Variants in SF3B1 observed in about 807,000 individuals in gnomAD.
SF3B1 encodes the protein splicing factor 3b subunit 1, also known as pre-mRNA processing 10.
SF3B1 carries 12 observed loss-of-function variants against 153.8 expected under a neutral mutation model. The ratio of observed to expected loss-of-function variants is 0.08; its 90% CI spans 0.05 to 0.13. The LOEUF (loss-of-function observed/expected upper bound fraction) is 0.13. SF3B1 is among the 10% of genes least tolerant of loss of function. The pLI, the probability that SF3B1 is intolerant of heterozygous loss-of-function variation, is 1.00. For missense variants in SF3B1, 513 were observed against 1,606.1 expected (o/e 0.32, Z 11.63); for synonymous variants, 498 against 525.2 (o/e 0.95, Z 0.71).
At chr2:197,396,734 G>C (rs957026860) in intron 22 of SF3B1, among the ~76,000 whole-genome samples, 1 of 152,200 alleles carries the variant, frequency 6.6e-6, no homozygotes, top group Non-Finnish European at 1.5e-5. Flanking sequence ...CCGAATTGTA[G>C]TCTCCCATTA....
chr2:197,409,190 G>C (rs763354793), intron 7 of SF3B1, among the ~76,000 whole-genome samples: 1 of 151,854 alleles, frequency 6.6e-6, no homozygotes, highest in Non-Finnish European at 1.5e-5. Context: ...ATCTGAGGTC[G>C]GGAGTTCGAG....
intron 1 of SF3B1, among the ~76,000 whole-genome samples, chr2:197,429,549 C>T (rs954863033): frequency 1.3e-5 from 2 of 152,032 alleles, no homozygotes; most frequent in Admixed American, 1.3e-4. Context: ...TTTGGGAGGC[C>T]GATGTGGATG....
At position 197,409,853 on chromosome 2, in the gene SF3B1, G is replaced by A. The variant is rs1047501781; in HGVS notation, c.821C>T (p.Pro274Leu). 1 of 1,613,974 alleles carries A rather than the reference G, an allele frequency of 6.2e-7. No homozygotes were observed. The highest frequency in any genetic ancestry group is 8.5e-7 in the Non-Finnish European group (1 of 1,180,010). ...GAATPGRGDT[P>L]GHATPGHGGA... ...TCCATGGCCTGGTGTCGCATGGCCT[G>A]GTGTATCACCTCGTCCAGGAGTAGC... is the stretch of plus-strand genomic sequence containing the variant. Residue 274 changes from proline (P) to leucine (L), a missense_variant, in exon 7 of 25, where the codon CCA becomes CTA. Physicochemically the swap from Pro to Leu is moderately conservative, Grantham distance 98 (BLOSUM62 -3). Transcript: ENST00000335508.
Position 197,401,322 on chromosome 2 carries a change from T to C in SF3B1, c.2496+78A>G. ...GTGAGATAATCAAGGCAAAAAATAA[T>C]ATACAACATGCATTCAAGTTGACTA... On this transcript the variant is annotated intron_variant, in intron 17 of 24. Coordinates refer to ENST00000335508, the MANE Select transcript of SF3B1 (RefSeq NM_012433.4). The surrounding 1 kb of genome is among the most constrained non-coding windows in gnomAD (Gnocchi z 4.2). 7.7e-7 allele frequency: 1 copy of C among 1,302,742 alleles called. No individual in the cohort carries two copies. The highest frequency in any genetic ancestry group is 1.1e-6 in the Non-Finnish European group (1 of 937,172). The allele number at this position is 1,302,742 out of a possible 1,614,324, so 80.7% of individuals were successfully genotyped here.
In SF3B1 at chr2:197,402,223, C is replaced by A. The variant is rs2084942951; in HGVS notation, c.2078-93G>T. The A allele has an allele frequency of 7.1e-7, 1 of 1,412,770 alleles. No individual in the cohort carries two copies. Among genetic ancestry groups the A allele is most frequent in the South Asian group, 1.4e-5 (1 of 70,050 alleles). 87.5% of individuals were successfully genotyped at this position (1,412,770 alleles called of 1,614,324 possible). A position where few individuals can be genotyped will look rare whatever the true frequency, so the allele number is the denominator to read the frequency against. ...TCTCTCAATATATCAACTATTCAGC[C>A]AAACTGCAGAATATGTTCACATTAA... On this transcript the variant is annotated intron_variant, in intron 14 of 24. Transcript: ENST00000335508. The surrounding 1 kb of genome is among the most constrained non-coding windows in gnomAD (Gnocchi z 4.6).
At position 197,409,997 on chromosome 2, in the gene SF3B1, T is replaced by C. The variant is rs1487086972; in HGVS notation, c.677A>G (p.His226Arg). 1 of 1,603,716 alleles carries C rather than the reference T, an allele frequency of 6.2e-7. No individual in the cohort carries two copies. Among genetic ancestry groups the C allele is most frequent in the Non-Finnish European group, 8.5e-7 (1 of 1,174,852 alleles). The change falls in exon 7 of 25, where the codon CAT (histidine) becomes CGT (arginine). Residue 226 changes from histidine to arginine, a missense_variant. By Grantham distance (29) the His-to-Arg change is conservative. This residue lies in a region of SF3B1 where 8 missense variants were observed against 36.1 expected (regional missense o/e 0.22). Coordinates refer to ENST00000335508, the MANE Select transcript of SF3B1 (RefSeq NM_012433.4). ...CTCATCCCATCTTAAGGAAGGAGTATGCCCAGGGGTCTTAAAAAAGCAAAA... is the reference window on the plus strand; with the variant it reads ...CTCATCCCATCTTAAGGAAGGAGTACGCCCAGGGGTCTTAAAAAAGCAAAA... ...SSWDQAETPG[H>R]TPSLRWDETP... is the part of the protein sequence containing the mutation.
At position 197,423,961 on chromosome 2, in the gene SF3B1, C is replaced by T. The variant is rs1325024192; in HGVS notation, c.42G>A (p.Gln14=). The T allele has an allele frequency of 1.2e-6, 2 of 1,610,444 alleles. No homozygotes were observed. The highest frequency in any genetic ancestry group is 2.7e-5 in the African/African-American group (2 of 74,758). The part of the protein sequence containing the change: ...IAKTHEDIEA[Q]IREIQGKKAA... ...CCTTCTTGCCTTGAATTTCTCGAATCTGTGCTTCAATATCTATAAAAAGAT... is the reference window on the plus strand; with the variant it reads ...CCTTCTTGCCTTGAATTTCTCGAATTTGTGCTTCAATATCTATAAAAAGAT... The change falls in exon 2 of 25, where the codon CAG becomes CAA. Residue 14 remains glutamine (Q), a synonymous_variant. Transcript: ENST00000335508.
intron 5 of SF3B1, among the ~76,000 whole-genome samples, chr2:197,418,298 A>G (rs951932662): frequency 6.6e-6 from 1 of 150,462 alleles, no homozygotes; most frequent in Non-Finnish European, 1.5e-5. Flanking sequence ...AAACATATAC[A>G]GCCAAGGGGC....
At chr2:197,418,038 C>T (rs1387867550) in intron 5 of SF3B1, among the ~76,000 whole-genome samples, 3 of 151,604 alleles carry the variant, frequency 2.0e-5, no homozygotes, top group Non-Finnish European at 4.4e-5. Context: ...GAGTTTGAGA[C>T]CAGCCTGGCC....
At chr2:197,397,397 C>T (rs1187240259) in intron 22 of SF3B1, among the ~76,000 whole-genome samples, 1 of 152,222 alleles carries the variant, frequency 6.6e-6, no homozygotes, top group Non-Finnish European at 1.5e-5. Flanking sequence ...AGAAGACCAG[C>T]ACACATTTTA....
intron 4 of SF3B1, 166 bp downstream of exon 4, chr2:197,420,262 A>G (rs2085218400): frequency 2.0e-6 from 1 of 491,348 alleles, no homozygotes; most frequent in Non-Finnish European, 3.7e-6. Flanking sequence ...ATAAAGATGA[A>G]GAATATGGCA....
intron 9 of SF3B1, among the ~76,000 whole-genome samples, chr2:197,406,255 T>C (rs1377660689): frequency 1.3e-5 from 2 of 151,430 alleles, no homozygotes; most frequent in African/African-American, 4.8e-5. Context: ...TATAATTTAA[T>C]ATATAGTAAA....
At chr2:197,407,515 G>A (rs549233337) in intron 9 of SF3B1, among the ~76,000 whole-genome samples, 1 of 150,946 alleles carries the variant, frequency 6.6e-6, no homozygotes, top group South Asian at 2.1e-4. Context: ...TCAGGCAAGA[G>A]AATCGCTTAA....
At chr2:197,412,616 A>G (rs971234517) in intron 6 of SF3B1, among the ~76,000 whole-genome samples, 5 of 151,682 alleles carry the variant, frequency 3.3e-5, no homozygotes, top group East Asian at 4.0e-4. Context: ...TTGGCCTCCC[A>G]AAGTGCTGGG....
At position 197,411,620 on chromosome 2, in the gene SF3B1, C is replaced by T. The variant is rs542758088; in HGVS notation, c.667-1613G>A. Among the ~76,000 whole-genome samples the T allele has an allele frequency of 1.8e-3, 265 of 150,246 alleles. 2 individuals carry two copies. Among genetic ancestry groups the T allele is most frequent in the Middle Eastern group, 3.4e-3 (1 of 290 alleles). ...CCGGGAGGCAGAGTTTGCAGTGAGCCGAGATAGCACCACTGCACTCCAGGC... is the reference window on the plus strand; with the variant it reads ...CCGGGAGGCAGAGTTTGCAGTGAGCTGAGATAGCACCACTGCACTCCAGGC... On this transcript the variant is annotated intron_variant, in intron 6 of 24. Coordinates refer to ENST00000335508, the MANE Select transcript of SF3B1 (RefSeq NM_012433.4).
Position 197,401,696 on chromosome 2 carries a change from A to G in SF3B1, c.2370+46T>C. The G allele has an allele frequency of 1.9e-6, 3 of 1,566,642 alleles. No homozygotes were observed. Among genetic ancestry groups the G allele is most frequent in the Non-Finnish European group, 2.6e-6 (3 of 1,152,430 alleles). Reference sequence around the variant, plus strand: ...AAAAACACTTTAAAATTCTGTTAGAACCATGAAACATATCCAGTTTACATT... The same window carrying G: ...AAAAACACTTTAAAATTCTGTTAGAGCCATGAAACATATCCAGTTTACATT... On this transcript the variant is annotated intron_variant, in intron 16 of 24. Coordinates refer to ENST00000335508, the MANE Select transcript of SF3B1 (RefSeq NM_012433.4). This position sits in a 1 kb window ranked among gnomAD's most constrained non-coding sequence, Gnocchi z 4.2.
At chr2:197,392,544 A>AAC in intron 24 of SF3B1, 83 bp from the exon 25 acceptor site, 1 of 279,924 alleles carries the variant, frequency 3.6e-6, no homozygotes, top group Non-Finnish European at 6.1e-6. Context: ...TAAAGATATG[A>AAC]TTCAAAATTA....
At chr2:197,410,137 C>T (rs2085046517) in intron 6 of SF3B1, 130 bp from the exon 7 acceptor site, 2 of 603,344 alleles carry the variant, frequency 3.3e-6, no homozygotes, top group South Asian at 2.2e-5. Flanking sequence ...AGTTAGAAGA[C>T]ACTACCTCTA....
At chr2:197,427,995 G>A (rs2085361693) in intron 1 of SF3B1, among the ~76,000 whole-genome samples, 1 of 151,900 alleles carries the variant, frequency 6.6e-6, no homozygotes, top group African/African-American at 2.4e-5. Flanking sequence ...TCCAACCTAG[G>A]CGACAGAGCA....
Sources: allele counts gnomAD v4.1 joint callset (sites outside exome capture counted in the v4.1 genomes callset), GRCh38; gene constraint gnomAD v4.1.1; regional missense constraint gnomAD v4.1.1; non-coding constraint Gnocchi (gnomAD v3.1); transcripts MANE v1.5; gene names NCBI Gene and HGNC (gene_info 2026-07-23, HGNC 2026-07-21).